The following RBFOX2 variants were observed in gnomAD, a reference collection of about 807,000 sequenced individuals.
RBFOX2 encodes the protein RNA binding fox-1 homolog 2, also known as RNA binding protein fox-1 homolog 2.
RBFOX2 carries 10 observed loss-of-function variants against 49.1 expected under a neutral mutation model. That is an observed-to-expected ratio of 0.20 (90% CI 0.13 to 0.35). RBFOX2 has a LOEUF of 0.35. Among genes scored for constraint, RBFOX2 ranks in the 10% least tolerant of loss-of-function variants. RBFOX2 has a pLI of 1.00. For synonymous variants in RBFOX2, 183 were observed against 187.4 expected (o/e 0.98, Z 0.19); for missense variants, 323 against 486.9 (o/e 0.66, Z 3.17).
chr22:35,990,251 T>C (rs16996247), intron 1 of RBFOX2, among the ~76,000 whole-genome samples: 2,393 of 151,312 alleles, frequency 0.016, 60 homozygotes, highest in African/African-American at 0.056. Flanking sequence ...CTAGGAAAGG[T>C]TGGATATTAG....
At chr22:35,849,298 A>ACACAC (rs2041611904) in intron 1 of RBFOX2, among the ~76,000 whole-genome samples, 24 of 133,222 alleles carry the variant, frequency 1.8e-4, no homozygotes, top group African/African-American at 3.4e-4. Context: ...TACACACACA[A>ACACAC]ACACACACAC....
chr22:35,764,388 T>C (rs538550630), intron 6 of RBFOX2, among the ~76,000 whole-genome samples: 5 of 151,878 alleles, frequency 3.3e-5, no homozygotes, highest in African/African-American at 7.3e-5. Flanking sequence ...GTTGAGACCA[T>C]CCTGGCTAAC....
chr22:35,889,909 A>T (rs1242159828), intron 1 of RBFOX2, among the ~76,000 whole-genome samples: 1 of 152,152 alleles, frequency 6.6e-6, no homozygotes, highest in East Asian at 1.9e-4. Context: ...ACTTCCAGAA[A>T]CTTTCACAGA....
chr22:35,860,172 T>C (rs964521209), intron 1 of RBFOX2, among the ~76,000 whole-genome samples: 3 of 152,190 alleles, frequency 2.0e-5, no homozygotes, highest in African/African-American at 4.8e-5. Context: ...GTGACTCACA[T>C]TGGTCTTGGG....
chr22:36,010,576 C>G (rs565433236), intron 1 of RBFOX2, among the ~76,000 whole-genome samples: 1 of 151,938 alleles, frequency 6.6e-6, no homozygotes, highest in Non-Finnish European at 1.5e-5. Flanking sequence ...AATATTCTCA[C>G]GGAGAAAAAG....
intron 1 of RBFOX2, chr22:35,821,887 C>T: frequency 1.9e-6 from 1 of 518,928 alleles, no homozygotes; most frequent in Non-Finnish European, 3.8e-6. Flanking sequence ...CAAACTTTGA[C>T]CAAAAGGGGG....
chr22:35,763,163 G>C (rs1049008175), intron 6 of RBFOX2, among the ~76,000 whole-genome samples: 8 of 152,172 alleles, frequency 5.3e-5, no homozygotes, highest in African/African-American at 1.9e-4. Flanking sequence ...CACAATAGCA[G>C]AAGGTTTCTT....
intron 6 of RBFOX2, among the ~76,000 whole-genome samples, chr22:35,765,053 C>G (rs1402308895): frequency 6.6e-6 from 1 of 151,444 alleles, no homozygotes; most frequent in Non-Finnish European, 1.5e-5. Context: ...AAAGTCAGAA[C>G]TAAAAGTAAG....
At chr22:35,804,363 A>G (rs1029943840) in intron 2 of RBFOX2, among the ~76,000 whole-genome samples, 3 of 152,268 alleles carry the variant, frequency 2.0e-5, no homozygotes, top group Admixed American at 6.5e-5. Context: ...GGTGAAAAAC[A>G]TCCCAAATTT....
intron 1 of RBFOX2, chr22:35,995,463 T>A (rs1311273162): frequency 6.6e-6 from 1 of 152,298 alleles, no homozygotes; most frequent in South Asian, 2.1e-4. Flanking sequence ...GAGACAGTGA[T>A]CCAACTGATA....
intron 9 of RBFOX2, chr22:35,747,170 GT>G (rs1179327715): frequency 6.6e-6 from 1 of 152,218 alleles, no homozygotes; most frequent in Non-Finnish European, 1.5e-5. Flanking sequence ...CTTGCCACCT[GT>G]TTTTGAAAGT....
chr22:35,985,898 AGATG>A (rs1198074535), intron 1 of RBFOX2, among the ~76,000 whole-genome samples: 1,558 of 135,958 alleles, frequency 0.011, 30 homozygotes, highest in African/African-American at 0.04. Context: ...ATAGATAGAT[AGATG>A]GATAGATAGA....
In RBFOX2 at chr22:35,825,062, A is replaced by G. The variant is rs890932597; in HGVS notation, c.28-15058T>C. ...TGGCAAAACCCCGTCTCTACTAAAA[A>G]TACAAAAATTAGCTGGGCATGGTGG... On this transcript the variant is annotated intron_variant, in intron 1 of 11. Coordinates refer to ENST00000405409, the Ensembl canonical transcript of RBFOX2. Among the ~76,000 whole-genome samples, 5 of 152,224 alleles carry G rather than the reference A, an allele frequency of 3.3e-5. No homozygotes were observed. The South Asian group carries it at 8.3e-4, about 25-fold the overall frequency.
intron 1 of RBFOX2, among the ~76,000 whole-genome samples, chr22:35,892,472 A>G (rs1434691956): frequency 6.6e-6 from 1 of 152,206 alleles, no homozygotes; most frequent in Non-Finnish European, 1.5e-5. Flanking sequence ...CAAATTAATG[A>G]GCTGCATCTA....
intron 1 of RBFOX2, among the ~76,000 whole-genome samples, chr22:35,907,394 G>T (rs544681537): frequency 6.6e-6 from 1 of 152,174 alleles, no homozygotes; most frequent in Non-Finnish European, 1.5e-5. Context: ...GTGGAAAGGG[G>T]GAAATGATGG....
chr22:35,739,849 T>C (rs1928947375), exon 12 of RBFOX2: 1 of 152,660 alleles, frequency 6.6e-6, no homozygotes, highest in Admixed American at 6.5e-5. Flanking sequence ...CCTCTGCTGG[T>C]GGCCTCCTAA....
intron 1 of RBFOX2, among the ~76,000 whole-genome samples, chr22:35,818,225 C>A (rs1272358541): frequency 6.6e-6 from 1 of 152,188 alleles, no homozygotes; most frequent in African/African-American, 2.4e-5. Flanking sequence ...CTCAAACATT[C>A]ATGAATCATG....
chr22:35,928,416 T>A (rs1315887335), intron 1 of RBFOX2, among the ~76,000 whole-genome samples: 3 of 152,134 alleles, frequency 2.0e-5, no homozygotes, highest in Non-Finnish European at 4.4e-5. Flanking sequence ...CTTCATCACA[T>A]GAAGAGCTTT....
At chr22:35,742,556 C>T (rs1174189887) in exon 12 of RBFOX2, 2 of 152,632 alleles carry the variant, frequency 1.3e-5, no homozygotes, top group African/African-American at 4.8e-5. Context: ...GCAGCTGTCC[C>T]TTGGGTGAAA....
Sources: gnomAD v4.1 joint callset for allele counts (sites outside exome capture counted in the v4.1 genomes callset) on GRCh38, gnomAD v4.1.1 for gene constraint, MANE v1.5 for transcripts, NCBI Gene and HGNC (gene_info 2026-07-23, HGNC 2026-07-21) for gene names.